FNBP1L: variants seen among roughly 807,000 people sequenced by gnomAD.
FNBP1L encodes the protein formin binding protein 1 like, also known as formin-binding protein 1-like.
A neutral mutation model predicts 91.2 loss-of-function variants in FNBP1L; 36 were observed. The ratio of observed to expected loss-of-function variants is 0.39; its 90% CI spans 0.30 to 0.52. FNBP1L has a LOEUF of 0.52. Ranked by LOEUF, FNBP1L falls within the 20% of genes least tolerant of loss-of-function variation. The pLI, the probability that FNBP1L is intolerant of heterozygous loss-of-function variation, is 0.66. For missense variants in FNBP1L, 571 were observed against 732.1 expected (o/e 0.78, Z 2.54); for synonymous variants, 242 against 237.0 (o/e 1.02, Z -0.19).
In FNBP1L at chr1:93,523,609, C is replaced by G. The variant is rs1038223325; in HGVS notation, c.342+118C>G. On this transcript the variant is annotated intron_variant, in intron 4 of 16. Coordinates refer to ENST00000271234, the MANE Select transcript of FNBP1L (RefSeq NM_001164473.3). Reference sequence around the variant, plus strand: ...CTGGTTTTTCTATTTCACTACATTTCTTCTAGCTAAAAATTATCACAAAAT... The same window carrying G: ...CTGGTTTTTCTATTTCACTACATTTGTTCTAGCTAAAAATTATCACAAAAT... 3 of 966,944 alleles carry G rather than the reference C, an allele frequency of 3.1e-6. No homozygotes were observed. The African/African-American group carries it at 5.0e-5, about 16-fold the overall frequency. The allele number at this position is 966,944 out of a possible 1,614,324, so 59.9% of individuals were successfully genotyped here.
chr1:93,515,438 T>G (rs1671056666), intron 2 of FNBP1L, among the ~76,000 whole-genome samples: 1 of 151,962 alleles, frequency 6.6e-6, no homozygotes, highest in Admixed American at 6.6e-5. Flanking sequence ...GGACTATAAA[T>G]CATGCTGCTA....
intron 2 of FNBP1L, among the ~76,000 whole-genome samples, chr1:93,513,842 C>T (rs1024030714): frequency 6.6e-6 from 1 of 152,090 alleles, no homozygotes; most frequent in African/African-American, 2.4e-5. Context: ...TGGAAGCATT[C>T]CCTTTGAAAA....
intron 5 of FNBP1L, 86 bp downstream of exon 5, chr1:93,524,409 T>C (rs1241593689): frequency 3.2e-6 from 3 of 948,506 alleles, no homozygotes. Context: ...TCTATTTGAG[T>C]TTAATGTTTC....
chr1:93,469,619 T>C (rs921847748), intron 1 of FNBP1L, among the ~76,000 whole-genome samples: 2 of 152,188 alleles, frequency 1.3e-5, no homozygotes, highest in African/African-American at 4.8e-5. Flanking sequence ...TAAGTATGAA[T>C]GTTCACCATA....
chr1:93,482,077 C>A (rs1275903575), intron 1 of FNBP1L, among the ~76,000 whole-genome samples: 4 of 152,022 alleles, frequency 2.6e-5, no homozygotes, highest in Non-Finnish European at 4.4e-5. Flanking sequence ...GGAGGAGGAT[C>A]ACTGAGGCCA....
chr1:93,467,813 G>A (rs777425444), intron 1 of FNBP1L, among the ~76,000 whole-genome samples: 23 of 152,088 alleles, frequency 1.5e-4, no homozygotes, highest in South Asian at 1.0e-3. Context: ...GGCGGTGTGC[G>A]CAATAGTCCC....
chr1:93,456,777 CAA>C (rs113415152), intron 1 of FNBP1L, among the ~76,000 whole-genome samples: 1 of 132,134 alleles, frequency 7.6e-6, no homozygotes. Flanking sequence ...GACCCTGTCT[CAA>C]AAAAAAAAAA....
intron 1 of FNBP1L, 39 bp downstream of exon 1, chr1:93,448,344 C>T (rs911249319): frequency 9.5e-6 from 14 of 1,475,782 alleles, no homozygotes; most frequent in Non-Finnish European, 1.3e-5. Context: ...GGACCCCGGC[C>T]CCTGAGAAGC....
At chr1:93,505,500 G>C (rs1441675170) in intron 2 of FNBP1L, among the ~76,000 whole-genome samples, 1 of 152,172 alleles carries the variant, frequency 6.6e-6, no homozygotes, top group East Asian at 1.9e-4. Flanking sequence ...CTTGTGGAAT[G>C]TTGAGAAAGG....
chr1:93,534,591 GAATT>G lies in FNBP1L; in HGVS notation c.787-112_787-109del, dbSNP rs535925951. 289 of 617,396 alleles carry G rather than the reference GAATT, an allele frequency of 4.7e-4. 1 individual carries two copies. The highest frequency in any genetic ancestry group is 7.6e-5 in the Non-Finnish European group (28 of 366,022). The allele number at this position is 617,396 out of a possible 1,614,324, so 38.2% of individuals were successfully genotyped here. A position where few individuals can be genotyped will look rare whatever the true frequency, so the allele number is the denominator to read the frequency against. On this transcript the variant is annotated intron_variant, in intron 8 of 16. Transcript: ENST00000271234. ...ATTATTTACCTTAATGATTATTGTG[GAATT>G]ATTTATTTAAACTTATATTTGTTGT...
intron 1 of FNBP1L, among the ~76,000 whole-genome samples, chr1:93,475,263 T>A (rs1347666964): frequency 6.6e-6 from 1 of 152,104 alleles, no homozygotes; most frequent in African/African-American, 2.4e-5. Flanking sequence ...TTTTATTATT[T>A]AAAATACATT....
chr1:93,499,434 CTT>C, intron 1 of FNBP1L, 32 bp from the exon 2 acceptor site: 1 of 1,375,622 alleles, frequency 7.3e-7, no homozygotes, highest in Non-Finnish European at 1.0e-6. Flanking sequence ...AAATTTTAGA[CTT>C]TTGAAAATGC....
chr1:93,500,832 A>G (rs1268434877), intron 2 of FNBP1L, among the ~76,000 whole-genome samples: 1 of 152,222 alleles, frequency 6.6e-6, no homozygotes, highest in Non-Finnish European at 1.5e-5. Context: ...AAACACTATT[A>G]TATTTACTGA....
intron 8 of FNBP1L, among the ~76,000 whole-genome samples, chr1:93,533,382 A>C (rs1371343465): frequency 6.6e-6 from 1 of 152,172 alleles, no homozygotes; most frequent in Non-Finnish European, 1.5e-5. Flanking sequence ...AGTTTAGTGA[A>C]AATTTAGAGA....
At chr1:93,547,489 AC>A (rs1414896439) in intron 14 of FNBP1L, 48 bp downstream of exon 14, 1 of 1,467,894 alleles carries the variant, frequency 6.8e-7, no homozygotes, top group Non-Finnish European at 9.3e-7. Context: ...GAGTTTTCTC[AC>A]CCTTTTGTCC....
chr1:93,522,332 T>C (rs1340876773), intron 3 of FNBP1L, among the ~76,000 whole-genome samples, 197 bp downstream of exon 3: 3 of 152,146 alleles, frequency 2.0e-5, no homozygotes, highest in Non-Finnish European at 4.4e-5. Context: ...TCAACAGTTT[T>C]CTAGAATAGT....
Position 93,552,486 on chromosome 1 carries a change from T to A in FNBP1L, c.*70T>A, listed in dbSNP as rs888771861. On this transcript the variant is annotated 3_prime_UTR_variant, in exon 17 of 17. Coordinates refer to ENST00000271234, the MANE Select transcript of FNBP1L (RefSeq NM_001164473.3). ...TGCAGCTGCTTTTGGGGGAGGGTAT[T>A]AGAGTTGTCAGGCTCAAAGAGAGTG... The A allele has an allele frequency of 3.2e-6, 5 of 1,573,380 alleles. No homozygotes were observed. The highest frequency in any genetic ancestry group is 4.5e-5 in the East Asian group (2 of 44,286).
chr1:93,537,136 CTATT>C (rs896352304), intron 10 of FNBP1L, among the ~76,000 whole-genome samples: 20 of 151,860 alleles, frequency 1.3e-4, no homozygotes, highest in East Asian at 7.7e-4. Flanking sequence ...TAGTGTTACT[CTATT>C]TAATGTTAGT....
chr1:93,530,628 C>G (rs374622122), intron 6 of FNBP1L, 127 bp from the exon 7 acceptor site: 12 of 937,738 alleles, frequency 1.3e-5, no homozygotes, highest in Non-Finnish European at 1.9e-5. Context: ...AGTTATGCCA[C>G]GTCATTATTC....
Sources: allele counts gnomAD v4.1 joint callset (sites outside exome capture counted in the v4.1 genomes callset), GRCh38; gene constraint gnomAD v4.1.1; transcripts MANE v1.5; gene names NCBI Gene and HGNC (gene_info 2026-07-23, HGNC 2026-07-21).